The following MSI2 variants were observed in gnomAD, a reference collection of about 807,000 sequenced individuals.
MSI2 encodes RNA-binding protein Musashi homolog 2.
In MSI2, 17 loss-of-function variants were observed where a neutral mutation model predicts 45.6. That is an observed-to-expected ratio of 0.37 (90% confidence interval 0.26 to 0.56). The LOEUF is 0.56. MSI2 is among the 20% of genes least tolerant of loss of function. The pLI is 0.77. For synonymous variants in MSI2, 156 were observed against 158.2 expected, an observed-to-expected ratio of 0.99 and a Z score of 0.11; for missense variants, 293 against 444.2, an observed-to-expected ratio of 0.66 and a Z score of 3.06.
At chr17:57,568,761 A>G (rs915660474) in intron 7 of MSI2, among the ~76,000 whole-genome samples, 1 of 152,212 alleles carries the variant, frequency 6.6e-6, no homozygotes, top group African/African-American at 2.4e-5. Context: ...CAACCAAAGG[A>G]GGGGAGTACC....
intron 5 of MSI2, among the ~76,000 whole-genome samples, chr17:57,356,816 C>T (rs371217854): frequency 1.3e-4 from 19 of 151,796 alleles, no homozygotes; most frequent in African/African-American, 4.1e-4. Flanking sequence ...AATGTTAAGC[C>T]GTGTATTGTA....
intron 5 of MSI2, among the ~76,000 whole-genome samples, chr17:57,347,696 G>A (rs1915720572): frequency 6.6e-6 from 1 of 152,146 alleles, no homozygotes; most frequent in African/African-American, 2.4e-5. Flanking sequence ...ATTTTGTCCT[G>A]GTTTCTCTCT....
intron 6 of MSI2, among the ~76,000 whole-genome samples, chr17:57,487,358 G>A (rs1193600658): frequency 6.6e-6 from 1 of 152,114 alleles, no homozygotes; most frequent in African/African-American, 2.4e-5. Context: ...TGTCATCTCC[G>A]TGCCTCTCTT....
chr17:57,383,414 T>C (rs1468869517), intron 5 of MSI2, among the ~76,000 whole-genome samples: 1 of 152,222 alleles, frequency 6.6e-6, no homozygotes, highest in Non-Finnish European at 1.5e-5. Context: ...CCCAGCACTT[T>C]GGGAGGCCAA....
intron 6 of MSI2, among the ~76,000 whole-genome samples, chr17:57,421,648 C>A (rs576860325): frequency 6.6e-6 from 1 of 152,024 alleles, no homozygotes; most frequent in African/African-American, 2.4e-5. Context: ...TTTGGAAGGC[C>A]GAGGTGGGGA....
At chr17:57,376,055 G>A (rs577800807) in intron 5 of MSI2, among the ~76,000 whole-genome samples, 7 of 152,246 alleles carry the variant, frequency 4.6e-5, no homozygotes, top group Admixed American at 3.9e-4. Flanking sequence ...GGCTATTGAC[G>A]CCAATGTGGG....
chr17:57,687,329 C>T (rs1385052911), downstream of MSI2, among the ~76,000 whole-genome samples: 1 of 151,608 alleles, frequency 6.6e-6, no homozygotes, highest in African/African-American at 2.4e-5. Flanking sequence ...TAAATAGAAG[C>T]TGAAAGCAAT....
chr17:57,365,515 G>C (rs531532428), intron 5 of MSI2, among the ~76,000 whole-genome samples: 6 of 152,296 alleles, frequency 3.9e-5, no homozygotes, highest in African/African-American at 1.4e-4. Flanking sequence ...AGTACAAGTT[G>C]GGATGGGTGT....
intron 6 of MSI2, among the ~76,000 whole-genome samples, chr17:57,492,926 T>C (rs2085904385): frequency 6.6e-6 from 1 of 152,230 alleles, no homozygotes; most frequent in African/African-American, 2.4e-5. Flanking sequence ...GGAATATCTT[T>C]GTTCTTCCTC....
intron 7 of MSI2, among the ~76,000 whole-genome samples, chr17:57,553,511 T>C (rs577829040): frequency 1.3e-5 from 2 of 152,330 alleles, no homozygotes; most frequent in South Asian, 2.1e-4. Flanking sequence ...ACTTCTGCCC[T>C]GGTGTTGACT....
chr17:57,404,001 CT>C (rs1261104143), intron 6 of MSI2, among the ~76,000 whole-genome samples: 1 of 152,184 alleles, frequency 6.6e-6, no homozygotes, highest in Non-Finnish European at 1.5e-5. Flanking sequence ...TGTACACCCC[CT>C]GTGCACACAC....
chr17:57,396,660 G>A (rs2083896462), intron 5 of MSI2, among the ~76,000 whole-genome samples: 1 of 152,214 alleles, frequency 6.6e-6, no homozygotes, highest in Non-Finnish European at 1.5e-5. Flanking sequence ...AATGGGTGCT[G>A]GGGTTTTCTT....
intron 5 of MSI2, among the ~76,000 whole-genome samples, chr17:57,340,741 T>G (rs1041086405): frequency 6.6e-6 from 1 of 152,160 alleles, no homozygotes; most frequent in Non-Finnish European, 1.5e-5. Flanking sequence ...TACTTGACCT[T>G]CTGACTCTGG....
At chr17:57,466,245 T>TA (rs886535759) in intron 6 of MSI2, among the ~76,000 whole-genome samples, 1 of 152,228 alleles carries the variant, frequency 6.6e-6, no homozygotes, top group Non-Finnish European at 1.5e-5. Context: ...CACTGGCCTT[T>TA]AAAAGGCCAG....
chr17:57,519,651 C>T (rs758821912), intron 6 of MSI2, among the ~76,000 whole-genome samples: 4 of 152,162 alleles, frequency 2.6e-5, no homozygotes, highest in Non-Finnish European at 2.9e-5. Context: ...CCTCCATTTC[C>T]TTGAGGTTAC....
intron 6 of MSI2, among the ~76,000 whole-genome samples, chr17:57,509,161 G>A (rs1330951809): frequency 4.6e-5 from 7 of 152,172 alleles, no homozygotes; most frequent in Admixed American, 6.5e-5. Flanking sequence ...GAAGTGCTAA[G>A]TATTACTATT....
intron 5 of MSI2, among the ~76,000 whole-genome samples, chr17:57,313,271 ACT>A (rs1598106288): frequency 1.3e-5 from 2 of 151,770 alleles, no homozygotes; most frequent in South Asian, 2.1e-4. Flanking sequence ...TGTTGGTCTG[ACT>A]CTGTTTGGTC....
chr17:57,661,859 C>A (rs1008526589), intron 11 of MSI2, among the ~76,000 whole-genome samples: 1 of 152,154 alleles, frequency 6.6e-6, no homozygotes, highest in African/African-American at 2.4e-5. Flanking sequence ...GAAAGCCATA[C>A]CTGATTCACC....
chr17:57,397,541 C>T (rs926877714), intron 5 of MSI2, among the ~76,000 whole-genome samples: 1 of 152,208 alleles, frequency 6.6e-6, no homozygotes, highest in Non-Finnish European at 1.5e-5. Context: ...CAGCCCCATC[C>T]CCTTCCTGCC....
Sources: allele counts gnomAD v4.1 joint callset (sites outside exome capture counted in the v4.1 genomes callset), GRCh38; gene constraint gnomAD v4.1.1; transcripts MANE v1.5; gene names NCBI Gene and HGNC (gene_info 2026-07-23, HGNC 2026-07-21).